Variants in LRRTM4 observed in about 807,000 individuals in gnomAD.
The protein encoded by LRRTM4 is leucine-rich repeat transmembrane neuronal protein 4.
In LRRTM4, 25 loss-of-function variants were observed where a neutral mutation model predicts 47.6. The observed-to-expected ratio is 0.53, with a 90% CI of 0.38 to 0.73. LRRTM4 has a LOEUF of 0.73. Among genes scored for constraint, LRRTM4 ranks in the 30% least tolerant of loss-of-function variants. LRRTM4 has a pLI of 0.00. For missense variants in LRRTM4, 638 were observed against 713.4 expected, an observed-to-expected ratio of 0.89 and a Z score of 1.20; for synonymous variants, 311 against 269.5, an observed-to-expected ratio of 1.15 and a Z score of -1.51.
intron 3 of LRRTM4, among the ~76,000 whole-genome samples, chr2:76,804,859 T>G (rs967343985): frequency 6.6e-6 from 1 of 151,302 alleles, no homozygotes; most frequent in African/African-American, 2.4e-5. Context: ...GATTTGTTAA[T>G]AGATTTTTTT....
chr2:76,897,006 T>C (rs1482866005), intron 3 of LRRTM4, among the ~76,000 whole-genome samples: 1 of 151,938 alleles, frequency 6.6e-6, no homozygotes, highest in African/African-American at 2.4e-5. Flanking sequence ...GGAATGAGAA[T>C]ATTCTGATGA....
intron 3 of LRRTM4, among the ~76,000 whole-genome samples, chr2:76,965,365 G>A (rs932293563): frequency 6.6e-6 from 1 of 151,222 alleles, no homozygotes; most frequent in East Asian, 2.0e-4. Flanking sequence ...CATCAAGTAG[G>A]ATTTATTTCA....
chr2:76,843,908 C>CTTT (rs538704879), intron 3 of LRRTM4, among the ~76,000 whole-genome samples: 18 of 145,392 alleles, frequency 1.2e-4, no homozygotes, highest in South Asian at 4.4e-4. Context: ...TTTCTTTTTT[C>CTTT]ATTTTTTTTT....
intron 3 of LRRTM4, among the ~76,000 whole-genome samples, chr2:77,478,492 T>A (rs1348544084): frequency 6.6e-6 from 1 of 152,220 alleles, no homozygotes; most frequent in African/African-American, 2.4e-5. Context: ...GTTAGCATTT[T>A]AAAAATTTCA....
chr2:76,774,137 A>G (rs1450275586), intron 3 of LRRTM4, among the ~76,000 whole-genome samples: 1 of 152,040 alleles, frequency 6.6e-6, no homozygotes, highest in Non-Finnish European at 1.5e-5. Flanking sequence ...TATGCATTAT[A>G]TGCTGTATTC....
chr2:77,082,769 C>T (rs755682553), intron 3 of LRRTM4, among the ~76,000 whole-genome samples: 2 of 152,036 alleles, frequency 1.3e-5, no homozygotes, highest in Non-Finnish European at 2.9e-5. Flanking sequence ...TTGTTCTTCT[C>T]TAACAAGTAT....
intron 3 of LRRTM4, among the ~76,000 whole-genome samples, chr2:76,809,278 A>C (rs922690465): frequency 6.6e-6 from 1 of 152,118 alleles, no homozygotes; most frequent in African/African-American, 2.4e-5. Flanking sequence ...ACACCTTATA[A>C]AATAGCTTTA....
intron 3 of LRRTM4, among the ~76,000 whole-genome samples, chr2:77,402,465 C>T (rs1479593953): frequency 6.6e-6 from 1 of 151,948 alleles, no homozygotes; most frequent in African/African-American, 2.4e-5. Flanking sequence ...AAATTCTTAT[C>T]TTCCTAAACC....
intron 3 of LRRTM4, among the ~76,000 whole-genome samples, chr2:77,300,964 A>T (rs1285524086): frequency 6.6e-6 from 1 of 152,086 alleles, no homozygotes; most frequent in East Asian, 1.9e-4. Flanking sequence ...TAAATGGAAA[A>T]GCACTTTAAA....
intron 3 of LRRTM4, among the ~76,000 whole-genome samples, chr2:77,163,356 G>A (rs1672785629): frequency 6.6e-6 from 1 of 152,202 alleles, no homozygotes; most frequent in Non-Finnish European, 1.5e-5. Context: ...TCTGATTGGT[G>A]TACCTGAAAG....
At chr2:77,358,738 G>C (rs1003584484) in intron 3 of LRRTM4, among the ~76,000 whole-genome samples, 2 of 151,978 alleles carry the variant, frequency 1.3e-5, no homozygotes, top group African/African-American at 4.8e-5. Context: ...TTACCTTATG[G>C]CTTCGGTAAC....
intron 3 of LRRTM4, among the ~76,000 whole-genome samples, chr2:77,422,510 C>T (rs562753260): frequency 3.7e-4 from 56 of 152,176 alleles, no homozygotes; most frequent in African/African-American, 1.3e-3. Flanking sequence ...AGAAGTAATA[C>T]GAGGCAATGT....
chr2:77,099,869 A>G (rs1670905742), intron 3 of LRRTM4, among the ~76,000 whole-genome samples: 1 of 152,124 alleles, frequency 6.6e-6, no homozygotes, highest in African/African-American at 2.4e-5. Context: ...ATAAAATAAT[A>G]ATATATTATT....
chr2:76,958,288 A>G (rs1675741750), intron 3 of LRRTM4, among the ~76,000 whole-genome samples: 1 of 151,780 alleles, frequency 6.6e-6, no homozygotes, highest in South Asian at 2.1e-4. Flanking sequence ...ACTATGACAG[A>G]AACTCTTGAT....
intron 3 of LRRTM4, among the ~76,000 whole-genome samples, chr2:77,134,409 A>G (rs770666586): frequency 6.6e-6 from 1 of 152,140 alleles, no homozygotes; most frequent in Non-Finnish European, 1.5e-5. Context: ...ACTTTTTTCC[A>G]TTATGAAAAT....
intron 3 of LRRTM4, among the ~76,000 whole-genome samples, chr2:77,417,792 T>G (rs897670344): frequency 1.2e-4 from 18 of 151,858 alleles, no homozygotes; most frequent in Non-Finnish European, 8.8e-5. Context: ...GAATAGCATT[T>G]TGAGATATAC....
At chr2:77,236,556 G>A (rs550640444) in intron 3 of LRRTM4, among the ~76,000 whole-genome samples, 3 of 151,502 alleles carry the variant, frequency 2.0e-5, no homozygotes, top group East Asian at 1.9e-4. Context: ...CTTCCAGTAC[G>A]ATGTTGAATG....
chr2:77,382,132 C>A (rs949246042), intron 3 of LRRTM4, among the ~76,000 whole-genome samples: 7 of 151,948 alleles, frequency 4.6e-5, no homozygotes, highest in Admixed American at 1.3e-4. Context: ...AGTATCTAGG[C>A]TTATTATACA....
At chr2:77,095,143 T>C (rs1351031633) in intron 3 of LRRTM4, among the ~76,000 whole-genome samples, 1 of 152,140 alleles carries the variant, frequency 6.6e-6, no homozygotes, top group Non-Finnish European at 1.5e-5. Context: ...GAGATAAAAA[T>C]ATCCAACAGA....
Sources: allele counts gnomAD v4.1 joint callset (sites outside exome capture counted in the v4.1 genomes callset), GRCh38; gene constraint gnomAD v4.1.1; transcripts MANE v1.5; gene names NCBI Gene and HGNC (gene_info 2026-07-23, HGNC 2026-07-21).